The following COL5A2 variants were observed in gnomAD, a reference collection of about 807,000 sequenced individuals.
COL5A2 encodes collagen type V alpha 2 chain, also known as collagen alpha-2(V) chain.
A neutral mutation model predicts 208.2 loss-of-function variants in COL5A2; 23 were observed. That is an observed-to-expected ratio of 0.11 (90% CI 0.08 to 0.16). COL5A2 has a LOEUF of 0.16. Among genes scored for constraint, COL5A2 ranks in the 10% least tolerant of loss-of-function variants. COL5A2 has a pLI of 1.00. For missense variants in COL5A2, 1,590 were observed against 1,956.4 expected (o/e 0.81, Z 3.53); for synonymous variants, 625 against 628.5 (o/e 0.99, Z 0.08).
chr2:189,205,378 A>G (rs912986798), intron 1 of COL5A2, among the ~76,000 whole-genome samples: 2 of 152,210 alleles, frequency 1.3e-5, no homozygotes, highest in African/African-American at 4.8e-5. Flanking sequence ...GCTGGTGAGT[A>G]GCAGAAAAGG....
chr2:189,038,782 T>C (rs1242863884), intron 51 of COL5A2, among the ~76,000 whole-genome samples: 1 of 152,142 alleles, frequency 6.6e-6, no homozygotes, highest in African/African-American at 2.4e-5. Context: ...CTCCGGCTCC[T>C]GGGTTCATGC....
rs1457934817 is a variant in COL5A2, at chr2:189,220,629, G to A, written c.-42+4519C>T. On this transcript the variant is annotated intron_variant, in intron 1 of 10. Coordinates refer to the COL5A2 transcript ENST00000649966. Reference sequence around the variant, plus strand: ...CAAATAAACTATTTCAGGTAAATATGTATTTTAGAAAGATCTTGAATTTAG... The same window carrying A: ...CAAATAAACTATTTCAGGTAAATATATATTTTAGAAAGATCTTGAATTTAG... Among the ~76,000 whole-genome samples, 4 of 152,178 alleles carry A rather than the reference G, an allele frequency of 2.6e-5. No individual in the cohort carries two copies. In the South Asian group the frequency reaches 8.3e-4, roughly 32 times the overall value.
At chr2:189,350,897 A>T in the COL5A2 span, among the ~76,000 whole-genome samples, 1 of 152,188 alleles carries the variant, frequency 6.6e-6, no homozygotes, top group Non-Finnish European at 1.5e-5. Context: ...TACCTTCTGA[A>T]CTACAAGTTG....
At chr2:189,215,802 G>A (rs969899755) in intron 1 of COL5A2, among the ~76,000 whole-genome samples, 31 of 151,952 alleles carry the variant, frequency 2.0e-4, no homozygotes, top group Admixed American at 1.6e-3. Flanking sequence ...TACCTCTTTC[G>A]CCTATTCTAA....
chr2:189,154,924 T>C (rs1337826812), intron 1 of COL5A2, among the ~76,000 whole-genome samples: 2 of 152,176 alleles, frequency 1.3e-5, no homozygotes, highest in Non-Finnish European at 2.9e-5. Flanking sequence ...AAATTAGTGG[T>C]TATGAGTACC....
At chr2:189,201,274 C>G (rs1216289905) in intron 1 of COL5A2, among the ~76,000 whole-genome samples, 5 of 151,846 alleles carry the variant, frequency 3.3e-5, no homozygotes, top group Non-Finnish European at 7.4e-5. Flanking sequence ...GCCTAGCAAC[C>G]ACTAACAAAA....
chr2:189,408,456 A>G, the COL5A2 span, among the ~76,000 whole-genome samples: 1 of 152,124 alleles, frequency 6.6e-6, no homozygotes, highest in Admixed American at 6.5e-5. Flanking sequence ...TCAGACTCAA[A>G]ACATTCTGTG....
At chr2:189,328,343 GT>G in the COL5A2 span, among the ~76,000 whole-genome samples, 3,636 of 152,202 alleles carry the variant, frequency 0.024, 155 homozygotes, top group African/African-American at 0.084. Context: ...AAAAACACAT[GT>G]TTTTTGGCAG....
rs942673350 is a variant in COL5A2, at chr2:189,045,810, C to G, written c.3299G>C (p.Arg1100Thr). 6.2e-6 allele frequency: 10 copies of G among 1,613,982 alleles called. No homozygotes were observed. Among genetic ancestry groups the G allele is most frequent in the African/African-American group, 2.7e-5 (2 of 74,932 alleles). The change falls in exon 46 of 54, where the codon AGA becomes ACA. Residue 1100 changes from arginine to threonine, a missense_variant. By Grantham distance (71) the Arg-to-Thr change is moderately conservative. Coordinates refer to ENST00000374866, the MANE Select transcript of COL5A2 (RefSeq NM_000393.5). Reference sequence around the variant, plus strand: ...TGACTCCCTCCTTACCGGATCTCCTCTTTGTCCTGCATCTCCTGGAGCACC... The same window carrying G: ...TGACTCCCTCCTTACCGGATCTCCTGTTTGTCCTGCATCTCCTGGAGCACC... ...PVGAPGDAGQ[R>T]GDPGSRGPIG...
In COL5A2 at chr2:189,050,442, G is replaced by C. The variant is rs530099521; in HGVS notation, c.3039+127C>G. Reference sequence around the variant, plus strand: ...ATTTAAGATCAAAAGATTTTTAAGAGACTCAAAAATTAATGTCCCTACAAT... The same window carrying C: ...ATTTAAGATCAAAAGATTTTTAAGACACTCAAAAATTAATGTCCCTACAAT... On this transcript the variant is annotated intron_variant, in intron 43 of 53. Transcript: ENST00000374866. 11 of 759,042 alleles carry C rather than the reference G, an allele frequency of 1.4e-5. No individual in the cohort carries two copies. In the East Asian group the frequency reaches 3.0e-4, roughly 21 times the overall value. The allele number at this position is 759,042 out of a possible 1,614,324, so 47.0% of individuals were successfully genotyped here.
chr2:189,237,329 T>C, the COL5A2 span, among the ~76,000 whole-genome samples: 1 of 151,624 alleles, frequency 6.6e-6, no homozygotes, highest in African/African-American at 2.4e-5. Context: ...CAATTTTATC[T>C]CTTATTTCAC....
chr2:189,110,271 G>A lies in COL5A2; in HGVS notation c.276C>T (p.Cys92=), dbSNP rs767642460. The A allele has an allele frequency of 1.2e-6, 2 of 1,614,138 alleles. No individual in the cohort carries two copies. Among genetic ancestry groups the A allele is most frequent in the East Asian group, 2.2e-5 (1 of 44,876 alleles). ...CAGGTGTTTGTGAACAGACAGGACAGCATTCCCCAGGGGGCGTTACAGGGT... is the reference window on the plus strand; with the variant it reads ...CAGGTGTTTGTGAACAGACAGGACAACATTCCCCAGGGGGCGTTACAGGGT... The part of the protein sequence containing the change: ...CADPVTPPGE[C]CPVCSQTPGG... The change falls in exon 2 of 54, where the codon TGC becomes TGT. Residue 92 remains cysteine, a synonymous_variant. Transcript: ENST00000374866.
At chr2:189,234,441 C>T in the COL5A2 span, among the ~76,000 whole-genome samples, 16 of 151,712 alleles carry the variant, frequency 1.1e-4, no homozygotes, top group Non-Finnish European at 1.6e-4. Context: ...CATATATTGG[C>T]TGAATCGCAT....
chr2:189,188,938 C>G (rs902554897), intron 1 of COL5A2, among the ~76,000 whole-genome samples: 8 of 152,150 alleles, frequency 5.3e-5, no homozygotes, highest in African/African-American at 1.9e-4. Flanking sequence ...ACTTTAAAGA[C>G]TTCTGTGTAT....
the COL5A2 span, among the ~76,000 whole-genome samples, chr2:189,319,066 AG>A: frequency 6.6e-6 from 1 of 152,190 alleles, no homozygotes; most frequent in Non-Finnish European, 1.5e-5. Context: ...GACATATTTG[AG>A]AAAAAAAAAT....
At chr2:189,078,677 G>T in intron 15 of COL5A2, 108 bp from the exon 16 acceptor site, 1 of 926,084 alleles carries the variant, frequency 1.1e-6, no homozygotes, top group Non-Finnish European at 1.8e-6. Flanking sequence ...TGGCCACCAA[G>T]CAGTAGTATT....
intron 1 of COL5A2, among the ~76,000 whole-genome samples, chr2:189,190,709 T>A (rs1386927635): frequency 2.0e-5 from 3 of 152,218 alleles, no homozygotes; most frequent in Non-Finnish European, 4.4e-5. Flanking sequence ...GTTACTGTGC[T>A]CCTAATGCAT....
chr2:189,225,663 T>C (rs1373794630), upstream of COL5A2, among the ~76,000 whole-genome samples: 2 of 151,906 alleles, frequency 1.3e-5, no homozygotes, highest in Non-Finnish European at 2.9e-5. Context: ...TTTCCAGCTA[T>C]GAAAAATAAG....
chr2:189,220,559 T>A (rs544454826), intron 1 of COL5A2, among the ~76,000 whole-genome samples: 7 of 152,262 alleles, frequency 4.6e-5, no homozygotes, highest in African/African-American at 1.7e-4. Flanking sequence ...AGAAAATTTT[T>A]AGTCTCTGAT....
Sources: allele counts gnomAD v4.1 joint callset (sites outside exome capture counted in the v4.1 genomes callset), GRCh38; gene constraint gnomAD v4.1.1; transcripts MANE v1.5; gene names NCBI Gene and HGNC (gene_info 2026-07-23, HGNC 2026-07-21).